The following NCAM1 variants were observed in gnomAD, a reference collection of about 807,000 sequenced individuals.
NCAM1 encodes the protein neural cell adhesion molecule 1, also known as antigen recognized by monoclonal antibody 5.1H11.
A neutral mutation model predicts 109.8 loss-of-function variants in NCAM1; 14 were observed. The ratio of observed to expected loss-of-function variants is 0.13; its 90% CI spans 0.08 to 0.20. The LOEUF is 0.20. Ranked by LOEUF, NCAM1 falls within the 10% of genes least tolerant of loss-of-function variation. NCAM1 has a pLI of 1.00. For synonymous variants in NCAM1, 418 were observed against 442.9 expected, an observed-to-expected ratio of 0.94 and a Z score of 0.70; for missense variants, 774 against 1,109.9, an observed-to-expected ratio of 0.70 and a Z score of 4.30.
At chr11:113,028,807 A>G (rs919393856) in intron 1 of NCAM1, among the ~76,000 whole-genome samples, 1 of 152,222 alleles carries the variant, frequency 6.6e-6, no homozygotes, top group Non-Finnish European at 1.5e-5. Flanking sequence ...TTGCTCAGAG[A>G]GTATTTACTT....
intron 1 of NCAM1, among the ~76,000 whole-genome samples, chr11:113,155,134 G>T (rs976254024): frequency 6.6e-6 from 1 of 152,282 alleles, no homozygotes; most frequent in South Asian, 2.1e-4. Flanking sequence ...ACATCCAGGA[G>T]CAAGTGCCTG....
chr11:113,225,083 G>A (rs200911662), intron 9 of NCAM1, among the ~76,000 whole-genome samples: 2 of 152,230 alleles, frequency 1.3e-5, no homozygotes, highest in Non-Finnish European at 2.9e-5. Flanking sequence ...GCTGGATGGA[G>A]AATGACTTTG....
At chr11:113,182,459 T>C (rs1341190968) in intron 1 of NCAM1, among the ~76,000 whole-genome samples, 2 of 152,182 alleles carry the variant, frequency 1.3e-5, no homozygotes, top group Admixed American at 6.5e-5. Flanking sequence ...AACGTGCCTT[T>C]TTATGCCTTG....
chr11:113,192,659 AAATAACT>A (rs1357697844), intron 1 of NCAM1, among the ~76,000 whole-genome samples: 6 of 152,180 alleles, frequency 3.9e-5, no homozygotes, highest in Non-Finnish European at 5.9e-5. Flanking sequence ...ACAGTTGAAG[AAATAACT>A]ACTGAGGACA....
intron 1 of NCAM1, among the ~76,000 whole-genome samples, chr11:113,103,264 G>A (rs1037726592): frequency 3.9e-5 from 6 of 152,162 alleles, no homozygotes; most frequent in Admixed American, 3.9e-4. Context: ...AGTCCAAATT[G>A]ATAAGAAGTA....
In NCAM1 at chr11:113,265,312, G is replaced by A. The variant is rs572008786; in HGVS notation, c.2132-4876G>A. 3 of 316,078 alleles carry A rather than the reference G, an allele frequency of 9.5e-6. No individual in the cohort carries two copies. In the South Asian group the frequency reaches 3.7e-4, roughly 39 times the overall value. The allele number at this position is 316,078 out of a possible 1,614,324, so 19.6% of individuals were successfully genotyped here. A position where few individuals can be genotyped will look rare whatever the true frequency, so the allele number is the denominator to read the frequency against. Reference sequence around the variant, plus strand: ...CTATTACCTAGAGAAATAGTAGCCTGGTGAATGAAATACTTTTTCTTCCTA... The same window carrying A: ...CTATTACCTAGAGAAATAGTAGCCTAGTGAATGAAATACTTTTTCTTCCTA... On this transcript the variant is annotated intron_variant, in intron 17 of 19. Transcript: ENST00000316851.
At chr11:113,018,615 C>T (rs880002009) in intron 1 of NCAM1, among the ~76,000 whole-genome samples, 1 of 152,240 alleles carries the variant, frequency 6.6e-6, no homozygotes, top group Non-Finnish European at 1.5e-5. Context: ...ATTCAGTATG[C>T]CCAAGTCAGC....
chr11:113,251,636 T>C (rs1368582095), intron 15 of NCAM1, among the ~76,000 whole-genome samples: 2 of 152,220 alleles, frequency 1.3e-5, no homozygotes, highest in Non-Finnish European at 2.9e-5. Flanking sequence ...GGGGGAACAT[T>C]TGACTCATGG....
Position 113,233,425 on chromosome 11 carries a change from C to T in NCAM1, c.1693+108C>T, listed in dbSNP as rs912180333. On this transcript the variant is annotated intron_variant, in intron 13 of 19. Transcript: ENST00000316851. This position sits in a 1 kb window ranked among gnomAD's most constrained non-coding sequence, Gnocchi z 4.5. ...TCCTACAGAATCAGGAACTGCACCTCCAGAATTAGGTCAAAGTCATATCTG... is the reference window on the plus strand; with the variant it reads ...TCCTACAGAATCAGGAACTGCACCTTCAGAATTAGGTCAAAGTCATATCTG... 13 of 1,218,472 alleles carry T rather than the reference C, an allele frequency of 1.1e-5. No homozygotes were observed. The African/African-American group carries it at 1.2e-4, about 11-fold the overall frequency. 75.5% of individuals were successfully genotyped at this position (1,218,472 alleles called of 1,614,324 possible). A position where few individuals can be genotyped will look rare whatever the true frequency, so the allele number is the denominator to read the frequency against.
At chr11:113,149,378 A>G (rs923160018) in intron 1 of NCAM1, among the ~76,000 whole-genome samples, 1 of 152,204 alleles carries the variant, frequency 6.6e-6, no homozygotes, top group Non-Finnish European at 1.5e-5. Context: ...ATTGGATTCA[A>G]AAAACCCACT....
At chr11:113,036,237 T>C (rs1201527834) in intron 1 of NCAM1, among the ~76,000 whole-genome samples, 1 of 152,100 alleles carries the variant, frequency 6.6e-6, no homozygotes, top group Non-Finnish European at 1.5e-5. Flanking sequence ...GCTTCCTGCT[T>C]TTTATTCTCC....
At position 113,104,158 on chromosome 11, in the gene NCAM1, C is replaced by T. The variant is rs746281985; in HGVS notation, c.53-98221C>T. On this transcript the variant is annotated intron_variant, in intron 1 of 19. Coordinates refer to ENST00000316851, the MANE Select transcript of NCAM1 (RefSeq NM_181351.5). Reference sequence around the variant, plus strand: ...TTGCATGGAAGCCCTGACTAGTTTTCGTTTTGTTCTGTTTCTCCTGTTGGA... The same window carrying T: ...TTGCATGGAAGCCCTGACTAGTTTTTGTTTTGTTCTGTTTCTCCTGTTGGA... Among the ~76,000 whole-genome samples, 6 of 122,518 alleles carry T rather than the reference C, an allele frequency of 4.9e-5. No individual in the cohort carries two copies. The East Asian group carries it at 9.9e-4, about 20-fold the overall frequency. The allele number at this position is 122,518 out of a possible 152,430, so 80.4% of individuals were successfully genotyped here. A position where few individuals can be genotyped will look rare whatever the true frequency, so the allele number is the denominator to read the frequency against.
chr11:113,125,791 A>G (rs949683825), intron 1 of NCAM1, among the ~76,000 whole-genome samples: 5 of 152,170 alleles, frequency 3.3e-5, no homozygotes, highest in African/African-American at 9.7e-5. Flanking sequence ...TTTGTCCCAC[A>G]TTGCAAAGTG....
chr11:113,186,693 T>C (rs1943518574), intron 1 of NCAM1, among the ~76,000 whole-genome samples: 1 of 152,166 alleles, frequency 6.6e-6, no homozygotes. Flanking sequence ...AGTGTCACAT[T>C]TTGAAGCTTA....
chr11:113,231,767 C>A lies in NCAM1; in HGVS notation c.1212C>A (p.Asp404Glu), dbSNP rs782458731. 14 of 1,613,890 alleles carry A rather than the reference C, an allele frequency of 8.7e-6. No individual in the cohort carries two copies. The highest frequency in any genetic ancestry group is 1.3e-5 in the African/African-American group (1 of 74,918). The change falls in exon 10 of 20, where the codon GAC becomes GAA. Residue 404 changes from aspartate to glutamate, a missense_variant. Physicochemically the swap from Asp to Glu is conservative, Grantham distance 45. Transcript: ENST00000316851. The part of the protein sequence containing the change: ...ICTASNTIGQ[D>E]SQSMYLEVQY... Reference sequence around the variant, plus strand: ...CCGCCAGCAACACCATCGGCCAGGACTCCCAGTCCATGTACCTTGAAGTGC... The same window carrying A: ...CCGCCAGCAACACCATCGGCCAGGAATCCCAGTCCATGTACCTTGAAGTGC...
chr11:113,210,161 C>T (rs17115178), intron 7 of NCAM1, among the ~76,000 whole-genome samples: 3,831 of 152,152 alleles, frequency 0.025, 96 homozygotes, highest in East Asian at 0.074. Flanking sequence ...TCACCTGTCT[C>T]TAGGAAATTA....
intron 15 of NCAM1, among the ~76,000 whole-genome samples, chr11:113,255,514 C>T (rs1450062248): frequency 6.7e-6 from 1 of 149,254 alleles, no homozygotes; most frequent in Non-Finnish European, 1.5e-5. Context: ...CAGGCTGTTC[C>T]TCAAGATGTG....
chr11:113,117,592 AG>A lies in NCAM1; in HGVS notation c.53-84784del, dbSNP rs112915748. Reference sequence around the variant, plus strand: ...GAAATGTCTTTGGATTGTAGACTTCAGGGATAATGAAAATTATTGATTTACT... The same window carrying A: ...GAAATGTCTTTGGATTGTAGACTTCAGGATAATGAAAATTATTGATTTACT... On this transcript the variant is annotated intron_variant, in intron 1 of 19. Coordinates refer to ENST00000316851, the MANE Select transcript of NCAM1 (RefSeq NM_181351.5). 1.4e-4 allele frequency among the ~76,000 whole-genome samples: 21 copies of A among 152,218 alleles called. 1 individual carries two copies. The highest frequency in any genetic ancestry group is 4.8e-4 in the African/African-American group (20 of 41,442).
chr11:113,152,264 GTGTAAAGGC>G (rs1162627327), intron 1 of NCAM1, among the ~76,000 whole-genome samples: 2 of 152,198 alleles, frequency 1.3e-5, no homozygotes, highest in Non-Finnish European at 2.9e-5. Flanking sequence ...CAAAACCCAG[GTGTAAAGGC>G]TGCAGAAGTC....
Sources: gnomAD v4.1 joint callset for allele counts (sites outside exome capture counted in the v4.1 genomes callset) on GRCh38, gnomAD v4.1.1 for gene constraint, Gnocchi (gnomAD v3.1) non-coding constraint, MANE v1.5 for transcripts, NCBI Gene and HGNC (gene_info 2026-07-23, HGNC 2026-07-21) for gene names.